The following MCM5 variants were observed in gnomAD, a reference collection of about 807,000 sequenced individuals.
The protein encoded by MCM5 is DNA replication licensing factor MCM5.
In MCM5, 46 loss-of-function variants were observed where a neutral mutation model predicts 79.9. The ratio of observed to expected loss-of-function variants is 0.58; its 90% CI spans 0.45 to 0.74. The LOEUF is 0.74. MCM5 is among the 30% of genes least tolerant of loss of function. The pLI, the probability that MCM5 is intolerant of heterozygous loss-of-function variation, is 0.00. For missense variants in MCM5, 883 were observed against 1,017.0 expected (o/e 0.87, Z 1.79); for synonymous variants, 404 against 390.5 (o/e 1.03, Z -0.41).
chr22:35,410,492 G>C (rs1443176346), intron 6 of MCM5: 9 of 467,804 alleles, frequency 1.9e-5, no homozygotes, highest in Middle Eastern at 6.2e-4. Context: ...CGAGAGTCAG[G>C]CCACCACCTG....
rs371404336 is a variant in MCM5, at chr22:35,406,612, C to T, written c.483C>T (p.Val161=). 6.2e-7 allele frequency: 1 copy of T among 1,613,584 alleles called. No homozygotes were observed. The highest frequency in any genetic ancestry group is 8.5e-7 in the Non-Finnish European group (1 of 1,180,036). Residue 161 remains valine, a synonymous_variant, in exon 5 of 17, where the codon GTC becomes GTT. Coordinates refer to ENST00000216122, the MANE Select transcript of MCM5 (RefSeq NM_006739.4). ...GCATCATCATCGCGGCCTCTGCGGT[C>T]CGTGCCAAGGCCACCCGCATCTCTA... ...IPGIIIAASA[V]RAKATRISIQ...
chr22:35,454,272 C>T, the MCM5 span, among the ~76,000 whole-genome samples: 1 of 152,136 alleles, frequency 6.6e-6, no homozygotes, highest in African/African-American at 2.4e-5. Context: ...AGGACAGGGT[C>T]CTCCTGGAGC....
chr22:35,430,902 A>T, the MCM5 span, among the ~76,000 whole-genome samples: 1 of 152,080 alleles, frequency 6.6e-6, no homozygotes. Context: ...TTTTAAAAAA[A>T]ATAACCCTGA....
At position 35,400,180 on chromosome 22, in the gene MCM5, C is replaced by T. The variant is rs4645730; in HGVS notation, c.-37C>T. On this transcript the variant is annotated 5_prime_UTR_variant, in exon 1 of 17. Transcript: ENST00000216122. ...GCTGAGCGTGGAGGTTCTTGTCTCC[C>T]CTGGTTTGTGAAGTGCGGAAAACCA... 295 of 502,738 alleles carry T rather than the reference C, an allele frequency of 5.9e-4. 2 individuals are homozygous for T. Among genetic ancestry groups the T allele is most frequent in the African/African-American group, 5.4e-3 (276 of 51,176 alleles). 31.1% of individuals were successfully genotyped at this position (502,738 alleles called of 1,614,324 possible).
chr22:35,438,235 C>T, the MCM5 span, among the ~76,000 whole-genome samples: 6 of 124,104 alleles, frequency 4.8e-5, no homozygotes, highest in Non-Finnish European at 1.1e-4. Context: ...ATCCACCCAC[C>T]CACCCACATA....
rs1315986075 is a variant in MCM5 at position 35,400,551 on chromosome 22, TC to T, written c.115del (p.Leu39CysfsTer68). 1 of 1,613,954 alleles carries T rather than the reference TC, an allele frequency of 6.2e-7. No homozygotes were observed. The highest frequency in any genetic ancestry group is 1.7e-5 in the Admixed American group (1 of 60,016). ...CAGCTGCAGAGGCGCTTCAAGGAGT[TC>T]CTGCGGCAGTACCGAGTGGGCACCG... The part of the protein sequence containing the change: ...KSQLQRRFKE[F>X]LRQYRVGTDR... On this transcript the variant is annotated frameshift_variant, in exon 2 of 17. Transcript: ENST00000216122. LOFTEE classifies it high-confidence loss of function.
At chr22:35,413,298 C>A (rs1932442157) in intron 8 of MCM5, among the ~76,000 whole-genome samples, 1 of 152,214 alleles carries the variant, frequency 6.6e-6, no homozygotes, top group South Asian at 2.1e-4. Flanking sequence ...CCCGCCTCGG[C>A]CTCCCAAAGT....
the MCM5 span, among the ~76,000 whole-genome samples, chr22:35,450,360 C>T: frequency 1.3e-5 from 2 of 152,040 alleles, no homozygotes; most frequent in South Asian, 2.1e-4. Flanking sequence ...TAAATGAGAT[C>T]GTGCCTAGAA....
At chr22:35,426,720 TC>T (rs1466542530), downstream of MCM5, among the ~76,000 whole-genome samples, 1 of 152,128 alleles carries the variant, frequency 6.6e-6, no homozygotes, top group African/African-American at 2.4e-5. Context: ...GGGGAGGTGC[TC>T]CCAGGAAGGG....
chr22:35,449,574 GCCTCTCTGTCCCAGCCGTGGC>G, the MCM5 span, among the ~76,000 whole-genome samples: 3 of 52,596 alleles, frequency 5.7e-5, no homozygotes, highest in Non-Finnish European at 2.0e-4. Flanking sequence ...CCCAGCTGTG[GCCTCTCTGTCCCAGCCGTGGC>G]CCCTCTGTCC....
At chr22:35,430,584 C>A in the MCM5 span, among the ~76,000 whole-genome samples, 1 of 151,238 alleles carries the variant, frequency 6.6e-6, no homozygotes. Flanking sequence ...CTCACTGCAA[C>A]CTCCGCCTGC....
chr22:35,421,763 G>A (rs1365624613), intron 15 of MCM5: 4 of 432,068 alleles, frequency 9.3e-6, no homozygotes, highest in Non-Finnish European at 4.3e-6. Flanking sequence ...GCTTCCTAGA[G>A]CTTGTCAGCA....
the MCM5 span, among the ~76,000 whole-genome samples, chr22:35,449,869 C>A: frequency 4.6e-5 from 7 of 152,200 alleles, no homozygotes; most frequent in African/African-American, 1.7e-4. Context: ...GCAGCCTCAA[C>A]CTCTTGGGCT....
chr22:35,443,170 C>T, the MCM5 span, among the ~76,000 whole-genome samples: 4 of 152,280 alleles, frequency 2.6e-5, no homozygotes, highest in South Asian at 2.1e-4. Flanking sequence ...ATGAGTGAGG[C>T]GAGCAAGGTG....
the MCM5 span, among the ~76,000 whole-genome samples, chr22:35,431,535 T>C: frequency 5.3e-5 from 8 of 152,140 alleles, no homozygotes; most frequent in Non-Finnish European, 1.2e-4. Context: ...TCTCTGACCG[T>C]CCCCAGCCAC....
At chr22:35,400,922 C>T (rs1932028249) in intron 2 of MCM5, among the ~76,000 whole-genome samples, 1 of 152,172 alleles carries the variant, frequency 6.6e-6, no homozygotes, top group Admixed American at 6.5e-5. Context: ...CGGGTTCAAG[C>T]GATTCTTGTG....
At chr22:35,453,746 GAGACAGAC>G in the MCM5 span, among the ~76,000 whole-genome samples, 52 of 143,882 alleles carry the variant, frequency 3.6e-4, no homozygotes, top group Admixed American at 1.3e-3. Context: ...GAGTGAATCA[GAGACAGAC>G]AGACAGAGAG....
downstream of MCM5, among the ~76,000 whole-genome samples, chr22:35,428,413 G>A (rs915770378): frequency 1.3e-5 from 2 of 151,378 alleles, no homozygotes; most frequent in Non-Finnish European, 2.9e-5. Context: ...CTCCTGCCTC[G>A]GCCTCCCAAA....
At chr22:35,424,009 G>A (rs1932753487) in intron 16 of MCM5, 145 bp from the exon 17 acceptor site, 5 of 593,306 alleles carry the variant, frequency 8.4e-6, no homozygotes, top group Non-Finnish European at 1.5e-5. Flanking sequence ...CTCAGTGTCT[G>A]GTACACAGTG....
Sources: allele counts gnomAD v4.1 joint callset (sites outside exome capture counted in the v4.1 genomes callset), GRCh38; gene constraint gnomAD v4.1.1; transcripts MANE v1.5; gene names NCBI Gene and HGNC (gene_info 2026-07-23, HGNC 2026-07-21).